GALNT18: variants seen among roughly 807,000 people sequenced by gnomAD.
GALNT18 encodes polypeptide N-acetylgalactosaminyltransferase 18.
GALNT18 carries 44 observed loss-of-function variants against 69.5 expected under a neutral mutation model. That is an observed-to-expected ratio of 0.63 (90% confidence interval 0.50 to 0.81). The LOEUF is 0.81. Ranked by LOEUF, GALNT18 falls within the 40% of genes least tolerant of loss-of-function variation. The probability of loss-of-function intolerance (pLI) is 0.00; values close to 1 mark genes in which losing one functional copy is unlikely to be tolerated. For missense variants in GALNT18, 715 were observed against 810.0 expected, an observed-to-expected ratio of 0.88 and a Z score of 1.42; for synonymous variants, 364 against 318.2, an observed-to-expected ratio of 1.14 and a Z score of -1.53.
At chr11:11,351,476 C>G (rs1850401820) in intron 6 of GALNT18, among the ~76,000 whole-genome samples, 1 of 152,160 alleles carries the variant, frequency 6.6e-6, no homozygotes, top group Non-Finnish European at 1.5e-5. Context: ...TAAGGGGACA[C>G]AAAATCTAGA....
chr11:11,392,337 G>A (rs528754538), intron 3 of GALNT18, among the ~76,000 whole-genome samples: 1 of 152,176 alleles, frequency 6.6e-6, no homozygotes, highest in South Asian at 2.1e-4. Flanking sequence ...AACTACCTTG[G>A]AGTTAAAAAG....
chr11:11,397,535 C>G (rs1854362435), intron 3 of GALNT18, among the ~76,000 whole-genome samples: 1 of 152,202 alleles, frequency 6.6e-6, no homozygotes, highest in Non-Finnish European at 1.5e-5. Context: ...ACCATCTCGG[C>G]TCACTGCAAC....
At chr11:11,287,029 G>C (rs576451357) in intron 10 of GALNT18, among the ~76,000 whole-genome samples, 1 of 152,098 alleles carries the variant, frequency 6.6e-6, no homozygotes, top group Non-Finnish European at 1.5e-5. Flanking sequence ...CTCACCACCT[G>C]CCCAAGCCAT....
chr11:11,389,258 C>T lies in GALNT18; in HGVS notation c.596-9994G>A, dbSNP rs558385460. Among the ~76,000 whole-genome samples the T allele has an allele frequency of 7.9e-5, 12 of 152,346 alleles. No homozygotes were observed. The highest frequency in any genetic ancestry group is 2.6e-4 in the Admixed American group (4 of 15,306). ...GCTCTTTTCCAGTCTGTCCAGCAGC[C>T]TTCCGAAGGAGTCAGCTTTGTAGGC... On this transcript the variant is annotated intron_variant, in intron 3 of 10. Transcript: ENST00000227756. This position sits in a 1 kb window ranked among gnomAD's most constrained non-coding sequence, Gnocchi z 4.3.
intron 1 of GALNT18, among the ~76,000 whole-genome samples, chr11:11,489,236 G>A (rs1564975061): frequency 6.6e-6 from 1 of 152,214 alleles, no homozygotes; most frequent in Non-Finnish European, 1.5e-5. Context: ...ACAGTGAAAT[G>A]AGCAGGCACT....
intron 10 of GALNT18, 95 bp from the exon 11 acceptor site, chr11:11,271,385 T>C (rs1848823921): frequency 4.6e-6 from 6 of 1,315,840 alleles, no homozygotes; most frequent in South Asian, 3.8e-5. Context: ...GGGCTGACAT[T>C]ATCTGTGTGG....
At chr11:11,537,486 G>T (rs1407087957) in intron 1 of GALNT18, among the ~76,000 whole-genome samples, 1 of 152,140 alleles carries the variant, frequency 6.6e-6, no homozygotes, top group African/African-American at 2.4e-5. Flanking sequence ...TCTAGACAGG[G>T]AGCTGAGAAG....
intron 3 of GALNT18, among the ~76,000 whole-genome samples, chr11:11,414,205 T>C (rs1258313369): frequency 6.6e-6 from 1 of 152,254 alleles, no homozygotes; most frequent in Non-Finnish European, 1.5e-5. Flanking sequence ...CTGTGGCTAC[T>C]CTTACCCATT....
At chr11:11,495,398 T>C (rs1195231606) in intron 1 of GALNT18, among the ~76,000 whole-genome samples, 1 of 152,146 alleles carries the variant, frequency 6.6e-6, no homozygotes, top group Non-Finnish European at 1.5e-5. Flanking sequence ...ATTGAACATT[T>C]AGAAAGGGAT....
chr11:11,547,669 A>G (rs764000378), intron 1 of GALNT18, among the ~76,000 whole-genome samples: 1 of 152,182 alleles, frequency 6.6e-6, no homozygotes, highest in African/African-American at 2.4e-5. Flanking sequence ...GCTACCATGA[A>G]TCTTAGGGTT....
intron 1 of GALNT18, among the ~76,000 whole-genome samples, chr11:11,482,879 G>A (rs1052130360): frequency 6.6e-6 from 1 of 152,214 alleles, no homozygotes; most frequent in African/African-American, 2.4e-5. Context: ...TACAAAGTGT[G>A]TTCCATGGCC....
intron 4 of GALNT18, among the ~76,000 whole-genome samples, chr11:11,378,282 G>A (rs572821801): frequency 6.6e-6 from 1 of 152,296 alleles, no homozygotes; most frequent in Admixed American, 6.5e-5. Context: ...TTGGCACTGT[G>A]GAGTCTGGGG....
At chr11:11,398,688 A>C (rs904150912) in intron 3 of GALNT18, among the ~76,000 whole-genome samples, 1 of 152,224 alleles carries the variant, frequency 6.6e-6, no homozygotes, top group African/African-American at 2.4e-5. Context: ...CACTGAACTA[A>C]TAGGAAGTTT....
rs191798562 is a variant in GALNT18 at position 11,595,358 on chromosome 11, G to T, written c.235+26001C>A. Among the ~76,000 whole-genome samples, 2 of 152,100 alleles carry T rather than the reference G, an allele frequency of 1.3e-5. No individual in the cohort carries two copies. The highest frequency in any genetic ancestry group is 4.8e-5 in the African/African-American group (2 of 41,426). Reference sequence around the variant, plus strand: ...TGAGGACACAGCAAGAAGTCAGGAGGCTGCAACCCAGAAGAGAGACTTCAC... The same window carrying T: ...TGAGGACACAGCAAGAAGTCAGGAGTCTGCAACCCAGAAGAGAGACTTCAC... On this transcript the variant is annotated intron_variant, in intron 1 of 10. Transcript: ENST00000227756. This position sits in a 1 kb window ranked among gnomAD's most constrained non-coding sequence, Gnocchi z 5.2.
chr11:11,518,373 G>A (rs142956175), intron 1 of GALNT18, among the ~76,000 whole-genome samples: 196 of 152,380 alleles, frequency 1.3e-3, no homozygotes, highest in South Asian at 2.3e-3. Flanking sequence ...TGACAAGTTC[G>A]ATTATGGTTT....
At chr11:11,361,062 G>A (rs887948110) in intron 6 of GALNT18, among the ~76,000 whole-genome samples, 1 of 152,220 alleles carries the variant, frequency 6.6e-6, no homozygotes, top group South Asian at 2.1e-4. Flanking sequence ...AACATGGTAA[G>A]GTGGTTGTCT....
In GALNT18 at chr11:11,358,078, A is replaced by ATTTAGTAATCCCCCATCTG. The variant is rs777165543; in HGVS notation, c.1092+14436_1092+14437insCAGATGGGGGATTACTAAA. The stretch of plus-strand genomic sequence containing the variant: ...GTGGGATCACACTGTCCCTGCCTCC[A>ATTTAGTAATCCCCCATCTG]TCTCCTATGCCCATGTCCAATTTTA... On this transcript the variant is annotated intron_variant, in intron 6 of 10. Coordinates refer to ENST00000227756, the MANE Select transcript of GALNT18 (RefSeq NM_198516.3). Among the ~76,000 whole-genome samples the ATTTAGTAATCCCCCATCTG allele has an allele frequency of 1.4e-3, 192 of 141,886 alleles. 4 individuals carry two copies. Among genetic ancestry groups the ATTTAGTAATCCCCCATCTG allele is most frequent in the Non-Finnish European group, 1.5e-3 (92 of 63,084 alleles). 93.1% of individuals were successfully genotyped at this position (141,886 alleles called of 152,430 possible).
chr11:11,408,117 G>A (rs1052579541), intron 3 of GALNT18, among the ~76,000 whole-genome samples: 1 of 152,170 alleles, frequency 6.6e-6, no homozygotes, highest in African/African-American at 2.4e-5. Flanking sequence ...TATAATCCAA[G>A]CACTTTGGAA....
At chr11:11,473,429 AT>A (rs1458074906) in intron 1 of GALNT18, among the ~76,000 whole-genome samples, 1 of 152,254 alleles carries the variant, frequency 6.6e-6, no homozygotes, top group African/African-American at 2.4e-5. Flanking sequence ...GCATTTCAAC[AT>A]AAAGGTGTCT....
Sources: allele counts gnomAD v4.1 joint callset (sites outside exome capture counted in the v4.1 genomes callset), GRCh38; gene constraint gnomAD v4.1.1; non-coding constraint Gnocchi (gnomAD v3.1); transcripts MANE v1.5; gene names NCBI Gene and HGNC (gene_info 2026-07-23, HGNC 2026-07-21).